DCDC1: variants seen among roughly 807,000 people sequenced by gnomAD.
The protein encoded by DCDC1 is doublecortin domain containing 1.
In DCDC1, 200 loss-of-function variants were observed where a neutral mutation model predicts 178.3. That is an observed-to-expected ratio of 1.12 (90% CI 1.00 to 1.26). The LOEUF is 1.26. Ranked by LOEUF, DCDC1 falls within the 50% of genes most tolerant of loss-of-function variation. The pLI is 0.00. For missense variants in DCDC1, 1,983 were observed against 1,749.2 expected (o/e 1.13, Z -2.38); for synonymous variants, 690 against 604.8 (o/e 1.14, Z -2.07).
intron 9 of DCDC1, among the ~76,000 whole-genome samples, chr11:31,211,667 GTTTTCCTTTCGTA>G (rs1376300369): frequency 4.6e-5 from 7 of 152,188 alleles, no homozygotes; most frequent in Middle Eastern, 3.4e-3. Context: ...CAATGGTGCA[GTTTTCCTTTCGTA>G]TTTTCTGCTA....
chr11:31,064,012 C>T lies in DCDC1; in HGVS notation c.2591+457G>A, dbSNP rs112511053. ...CAATATCAATGATGTTATTTTTATTCTAGGAAGGGAAATAGGGTTGATTTG... is the reference window on the plus strand; with the variant it reads ...CAATATCAATGATGTTATTTTTATTTTAGGAAGGGAAATAGGGTTGATTTG... On this transcript the variant is annotated intron_variant, in intron 20 of 38. Coordinates refer to ENST00000684477, the MANE Select transcript of DCDC1 (RefSeq NM_001387274.1). 4.2e-3 allele frequency among the ~76,000 whole-genome samples: 640 copies of T among 152,102 alleles called. 3 individuals are homozygous for T. The highest frequency in any genetic ancestry group is 0.015 in the African/African-American group (613 of 41,498).
intron 9 of DCDC1, among the ~76,000 whole-genome samples, chr11:31,183,762 T>C (rs1969134128): frequency 6.6e-6 from 1 of 152,136 alleles, no homozygotes; most frequent in African/African-American, 2.4e-5. Context: ...AAACCACTGC[T>C]TAAGGAAATA....
chr11:31,016,013 G>A (rs1486844494), intron 20 of DCDC1, among the ~76,000 whole-genome samples: 1 of 152,160 alleles, frequency 6.6e-6, no homozygotes, highest in Admixed American at 6.5e-5. Flanking sequence ...TATATCTAGA[G>A]ATTGAGGATT....
chr11:30,926,341 G>A (rs1197214754), intron 22 of DCDC1, among the ~76,000 whole-genome samples: 3 of 152,182 alleles, frequency 2.0e-5, no homozygotes, highest in African/African-American at 7.2e-5. Context: ...TAGGATTCTA[G>A]ACTGAGGAAC....
At chr11:31,300,900 A>AT (rs771889086) in intron 6 of DCDC1, among the ~76,000 whole-genome samples, 1 of 152,182 alleles carries the variant, frequency 6.6e-6, no homozygotes, top group Non-Finnish European at 1.5e-5. Flanking sequence ...TATGTCAAGA[A>AT]TTTAGGTGTT....
rs759664590 is a variant in DCDC1 at position 31,306,272 on chromosome 11, C to T, written c.551G>A (p.Arg184Lys). The T allele has an allele frequency of 1.2e-6, 2 of 1,608,510 alleles. No individual in the cohort carries two copies. Among genetic ancestry groups the T allele is most frequent in the South Asian group, 2.2e-5 (2 of 90,146 alleles). ...IKVTAYKNGS[R>K]TVFARVTVPT... ...TACAGTAACTCTGGCAAAGACTGTT[C>T]TAGATCCATTTTTGTAAGCTGTTAC... The change falls in exon 5 of 39, where the codon AGA (arginine) becomes AAA (lysine). Residue 184 changes from arginine to lysine, a missense_variant. Arg to Lys is a conservative substitution (Grantham distance 26). Coordinates refer to ENST00000684477, the MANE Select transcript of DCDC1 (RefSeq NM_001387274.1).
chr11:31,212,503 C>T (rs1337898665), intron 9 of DCDC1, among the ~76,000 whole-genome samples: 1 of 151,964 alleles, frequency 6.6e-6, no homozygotes, highest in Non-Finnish European at 1.5e-5. Flanking sequence ...ATGAACATAG[C>T]TAACTGGGCA....
intron 20 of DCDC1, among the ~76,000 whole-genome samples, chr11:31,010,960 AT>A (rs1168694260): frequency 1.3e-5 from 2 of 152,142 alleles, no homozygotes; most frequent in Admixed American, 6.5e-5. Context: ...TGTTTGTTAT[AT>A]TTTTTAAAAA....
chr11:30,981,655 C>T (rs1456776919), intron 20 of DCDC1, among the ~76,000 whole-genome samples: 2 of 152,110 alleles, frequency 1.3e-5, no homozygotes, highest in Non-Finnish European at 2.9e-5. Context: ...TGTGTTGGCA[C>T]TATTGGTTAC....
At chr11:31,006,998 C>T (rs1338439462) in intron 20 of DCDC1, among the ~76,000 whole-genome samples, 1 of 152,178 alleles carries the variant, frequency 6.6e-6, no homozygotes, top group East Asian at 1.9e-4. Flanking sequence ...TATTTCTCCT[C>T]TCTGTTCATT....
At chr11:31,269,471 T>A (rs1471841045) in intron 7 of DCDC1, among the ~76,000 whole-genome samples, 1 of 151,846 alleles carries the variant, frequency 6.6e-6, no homozygotes, top group Non-Finnish European at 1.5e-5. Context: ...CATCCTCAAC[T>A]TCCCAGGCTC....
chr11:31,173,700 A>G (rs1967558683), intron 9 of DCDC1, among the ~76,000 whole-genome samples: 1 of 152,162 alleles, frequency 6.6e-6, no homozygotes, highest in South Asian at 2.1e-4. Flanking sequence ...ACTACAATCA[A>G]TTCTAAGAGA....
intron 17 of DCDC1, among the ~76,000 whole-genome samples, chr11:31,082,680 A>ATG (rs1565259947): frequency 6.6e-6 from 1 of 152,106 alleles, no homozygotes; most frequent in African/African-American, 2.4e-5. Flanking sequence ...ACACATATAT[A>ATG]TGTGTGTAAT....
intron 3 of DCDC1, among the ~76,000 whole-genome samples, chr11:31,325,456 A>G (rs1324092435): frequency 6.6e-6 from 1 of 152,124 alleles, no homozygotes; most frequent in African/African-American, 2.4e-5. Context: ...AACCTTTGGT[A>G]TAATAAGCTG....
At chr11:31,184,708 C>T (rs1969261268) in intron 9 of DCDC1, among the ~76,000 whole-genome samples, 1 of 152,092 alleles carries the variant, frequency 6.6e-6, no homozygotes, top group South Asian at 2.1e-4. Flanking sequence ...AAATCAAAAC[C>T]ACAATGAGAT....
At chr11:31,271,895 G>A (rs2137173105) in intron 7 of DCDC1, among the ~76,000 whole-genome samples, 1 of 152,254 alleles carries the variant, frequency 6.6e-6, no homozygotes, top group African/African-American at 2.4e-5. Flanking sequence ...AGGCATGGTA[G>A]CTCATGCCTG....
At chr11:31,193,899 A>T (rs928287493) in intron 9 of DCDC1, among the ~76,000 whole-genome samples, 3 of 152,096 alleles carry the variant, frequency 2.0e-5, no homozygotes, top group African/African-American at 7.2e-5. Context: ...GAAAGTACTC[A>T]TGTCAATTCT....
intron 35 of DCDC1, 81 bp from the exon 36 acceptor site, chr11:30,893,078 A>G: frequency 1.4e-6 from 2 of 1,468,982 alleles, no homozygotes; most frequent in South Asian, 1.3e-5. Flanking sequence ...AAATCCAGAT[A>G]TATCTTGTAA....
intron 20 of DCDC1, among the ~76,000 whole-genome samples, chr11:30,975,488 T>G (rs947156648): frequency 2.0e-5 from 3 of 151,894 alleles, no homozygotes; most frequent in African/African-American, 4.8e-5. Context: ...AAAGATTCCA[T>G]GAAAACAAAC....
Sources: allele counts gnomAD v4.1 joint callset (sites outside exome capture counted in the v4.1 genomes callset), GRCh38; gene constraint gnomAD v4.1.1; transcripts MANE v1.5; gene names NCBI Gene and HGNC (gene_info 2026-07-23, HGNC 2026-07-21).